Variants in PRR16 observed in about 807,000 individuals in gnomAD.
PRR16 encodes proline rich 16.
In PRR16, 6 loss-of-function variants were observed where a neutral mutation model predicts 18.2. That is an observed-to-expected ratio of 0.33 (90% CI 0.18 to 0.65). The LOEUF (loss-of-function observed/expected upper bound fraction) is 0.65, where lower values mean the gene tolerates loss of function less well. Among genes scored for constraint, PRR16 ranks in the 30% least tolerant of loss-of-function variants. The pLI is 0.74. For missense variants in PRR16, 412 were observed against 376.6 expected (o/e 1.09, Z -0.78); for synonymous variants, 151 against 147.8 (o/e 1.02, Z -0.16).
At chr5:120,513,173 A>G (rs180896751) in intron 1 of PRR16, among the ~76,000 whole-genome samples, 36 of 152,230 alleles carry the variant, frequency 2.4e-4, no homozygotes, top group Non-Finnish European at 4.9e-4. Context: ...TCTTTGCTGC[A>G]TTCCTATCTA....
At chr5:120,608,469 A>T (rs1754228220) in intron 1 of PRR16, among the ~76,000 whole-genome samples, 1 of 152,208 alleles carries the variant, frequency 6.6e-6, no homozygotes, top group African/African-American at 2.4e-5. Flanking sequence ...AAAACTATCC[A>T]ACTAATGCAA....
chr5:120,702,114 TGGAG>T, the PRR16 span, among the ~76,000 whole-genome samples: 1 of 148,888 alleles, frequency 6.7e-6, no homozygotes, highest in African/African-American at 2.5e-5. Flanking sequence ...AGCAGAGAAA[TGGAG>T]GGAAGGGGTT....
At chr5:120,662,707 C>A (rs958197452) in intron 1 of PRR16, among the ~76,000 whole-genome samples, 1 of 152,126 alleles carries the variant, frequency 6.6e-6, no homozygotes, top group South Asian at 2.1e-4. Flanking sequence ...TTCCACTGGA[C>A]CTGAAAAGTG....
chr5:120,657,181 A>G (rs1756010563), intron 1 of PRR16, among the ~76,000 whole-genome samples: 1 of 151,974 alleles, frequency 6.6e-6, no homozygotes. Flanking sequence ...ATTAGAAATG[A>G]TCTACATGTA....
At chr5:120,643,333 C>A (rs1210930027) in intron 1 of PRR16, among the ~76,000 whole-genome samples, 1 of 152,004 alleles carries the variant, frequency 6.6e-6, no homozygotes, top group Non-Finnish European at 1.5e-5. Context: ...CTAGCCCATT[C>A]AAAGTTTCTC....
intron 1 of PRR16, among the ~76,000 whole-genome samples, chr5:120,492,765 G>C (rs555619220): frequency 6.6e-6 from 1 of 151,914 alleles, no homozygotes. Context: ...ATATGTTTTG[G>C]GGTCCTCATA....
At chr5:120,520,620 A>G (rs1266120312) in intron 1 of PRR16, among the ~76,000 whole-genome samples, 1 of 152,134 alleles carries the variant, frequency 6.6e-6, no homozygotes. Context: ...CTTGTAGCGC[A>G]TGAAGAAGGA....
At chr5:120,740,008 A>T in the PRR16 span, among the ~76,000 whole-genome samples, 1 of 152,204 alleles carries the variant, frequency 6.6e-6, no homozygotes, top group Admixed American at 6.5e-5. Flanking sequence ...TTAAATGGTT[A>T]TATTATAACC....
chr5:120,597,430 C>G (rs756249857), intron 1 of PRR16, among the ~76,000 whole-genome samples: 1 of 151,426 alleles, frequency 6.6e-6, no homozygotes, highest in Non-Finnish European at 1.5e-5. Flanking sequence ...TAATGTTTCT[C>G]TATAATTTCT....
At position 120,598,809 on chromosome 5, in the gene PRR16, T is replaced by A. The variant is rs571381227; in HGVS notation, c.160-87145T>A. 2.6e-5 allele frequency among the ~76,000 whole-genome samples: 4 copies of A among 152,028 alleles called. No homozygotes were observed. In the South Asian group the frequency reaches 6.2e-4, roughly 24 times the overall value. ...TATTCTATGGTGTTTATATGCCACATTTTTTTATCCAATACCCAGCAGTCT... is the reference window on the plus strand; with the variant it reads ...TATTCTATGGTGTTTATATGCCACAATTTTTTATCCAATACCCAGCAGTCT... On this transcript the variant is annotated intron_variant, in intron 1 of 1. Coordinates refer to ENST00000407149, the MANE Select transcript of PRR16 (RefSeq NM_001300783.2).
At chr5:120,624,968 G>A (rs1037428654) in intron 1 of PRR16, among the ~76,000 whole-genome samples, 4 of 152,132 alleles carry the variant, frequency 2.6e-5, no homozygotes, top group African/African-American at 7.2e-5. Context: ...CATGTGAGAT[G>A]TGCCTTTCAC....
At chr5:120,715,284 T>G in the PRR16 span, among the ~76,000 whole-genome samples, 1 of 152,174 alleles carries the variant, frequency 6.6e-6, no homozygotes, top group Non-Finnish European at 1.5e-5. Flanking sequence ...CTAAAATTAA[T>G]TACTGGACTT....
At chr5:120,620,041 G>A (rs969048904) in intron 1 of PRR16, among the ~76,000 whole-genome samples, 2 of 152,202 alleles carry the variant, frequency 1.3e-5, no homozygotes, top group Non-Finnish European at 2.9e-5. Flanking sequence ...TAAAATTAAT[G>A]TGCCTCAAAA....
the PRR16 span, among the ~76,000 whole-genome samples, chr5:120,741,341 G>T: frequency 5.3e-5 from 8 of 152,082 alleles, no homozygotes; most frequent in Admixed American, 4.6e-4. Flanking sequence ...AGCTGGGATT[G>T]CAGGCACCTG....
At chr5:120,588,287 G>A (rs1341150894) in intron 1 of PRR16, among the ~76,000 whole-genome samples, 1 of 152,152 alleles carries the variant, frequency 6.6e-6, no homozygotes, top group Admixed American at 6.5e-5. Context: ...GGGTTTGAAA[G>A]GATTGACTCC....
the PRR16 span, among the ~76,000 whole-genome samples, chr5:120,787,464 G>A: frequency 0.27 from 40,474 of 151,952 alleles, 5,809 homozygotes; most frequent in Non-Finnish European, 0.32. Flanking sequence ...AGGAGATATA[G>A]ACTTCTAATG....
the PRR16 span, among the ~76,000 whole-genome samples, chr5:120,695,900 A>T: frequency 6.9e-6 from 1 of 145,956 alleles, no homozygotes; most frequent in Non-Finnish European, 1.5e-5. Flanking sequence ...CATAACTTGT[A>T]AAAAAAAATC....
At chr5:120,730,141 A>G in the PRR16 span, among the ~76,000 whole-genome samples, 1 of 152,122 alleles carries the variant, frequency 6.6e-6, no homozygotes, top group Non-Finnish European at 1.5e-5. Context: ...CTACTTTATG[A>G]TAGATAGAAA....
At chr5:120,629,080 G>A (rs1168754558) in intron 1 of PRR16, among the ~76,000 whole-genome samples, 3 of 151,830 alleles carry the variant, frequency 2.0e-5, no homozygotes, top group Non-Finnish European at 4.4e-5. Context: ...TTCCTTCCTT[G>A]TGTCCATATG....
Sources: gnomAD v4.1 joint callset for allele counts (sites outside exome capture counted in the v4.1 genomes callset) on GRCh38, gnomAD v4.1.1 for gene constraint, MANE v1.5 for transcripts, NCBI Gene and HGNC (gene_info 2026-07-23, HGNC 2026-07-21) for gene names.